AK6: variants seen among roughly 807,000 people sequenced by gnomAD.
The protein encoded by AK6 is adenylate kinase 6, also known as adenylate kinase isoenzyme 6.
Under a neutral mutation model 23.7 loss-of-function variants are expected in AK6, and 24 were observed. The observed-to-expected ratio is 1.01, with a 90% CI of 0.73 to 1.43. The LOEUF is 1.43. Among genes scored for constraint, AK6 ranks in the 40% most tolerant of loss-of-function variants. The pLI, the probability that AK6 is intolerant of heterozygous loss-of-function variation, is 0.00. For missense variants in AK6, 191 were observed against 199.1 expected (o/e 0.96, Z 0.24); for synonymous variants, 73 against 69.8 (o/e 1.05, Z -0.23).
chr5:69,364,645 G>A, intron 2 of AK6: 1 of 488,324 alleles, frequency 2.0e-6, no homozygotes, highest in African/African-American at 1.9e-5. Flanking sequence ...AAAATAGACT[G>A]CAGTACTGCA....
chr5:69,352,024 T>C lies in AK6; in HGVS notation c.*37A>G, dbSNP rs374188732. 298 of 1,523,252 alleles carry C rather than the reference T, an allele frequency of 2.0e-4. 2 individuals are homozygous for C. The highest frequency in any genetic ancestry group is 1.8e-4 in the Non-Finnish European group (202 of 1,128,476). 94.4% of individuals were successfully genotyped at this position (1,523,252 alleles called of 1,614,324 possible). On this transcript the variant is annotated 3_prime_UTR_variant, in exon 5 of 5. Coordinates refer to ENST00000380822, the MANE Select transcript of AK6 (RefSeq NM_016283.5). ...AATTTCTATGATGTCGGCAGAGATA[T>C]CAACAAGAGTGATTATTAAGTAGCT...
chr5:69,368,538 G>A (rs1762621035), intron 1 of AK6, among the ~76,000 whole-genome samples: 2 of 152,134 alleles, frequency 1.3e-5, no homozygotes, highest in South Asian at 2.1e-4. Context: ...TTCCGCTTAA[G>A]GAATCTAAAA....
In AK6 at chr5:69,354,369, T is replaced by C. The variant is rs544712414; in HGVS notation, c.326+1280A>G. On this transcript the variant is annotated intron_variant, in intron 4 of 4. Coordinates refer to ENST00000380822, the MANE Select transcript of AK6 (RefSeq NM_016283.5). ...CCCAATTTAACTTTTTCTATATGTA[T>C]ATTTGCTGCCATACTATTCTGTGCA... Among the ~76,000 whole-genome samples the C allele has an allele frequency of 1.1e-4, 17 of 152,342 alleles. No individual in the cohort carries two copies. In the South Asian group the frequency reaches 1.2e-3, roughly 11 times the overall value.
In AK6 at chr5:69,366,497, C is replaced by T. The variant is rs761031032; in HGVS notation, c.121+6G>A. The T allele has an allele frequency of 5.6e-6, 9 of 1,611,158 alleles. No homozygotes were observed. Among genetic ancestry groups the T allele is most frequent in the South Asian group, 5.5e-5 (5 of 90,902 alleles). ...AAAACAAATCTAACACCAAAGTGTCCCTTACCTTCTCGAGCTAAATCACCC... is the reference window on the plus strand; with the variant it reads ...AAAACAAATCTAACACCAAAGTGTCTCTTACCTTCTCGAGCTAAATCACCC... On this transcript the variant is annotated splice_donor_region_variant and intron_variant, in intron 2 of 4. Transcript: ENST00000380822.
At chr5:69,366,774 T>C (rs4252225) in intron 1 of AK6, 179 bp from the exon 2 acceptor site, 226 of 590,548 alleles carry the variant, frequency 3.8e-4, no homozygotes, top group African/African-American at 3.7e-3. Context: ...AATTTTTTTT[T>C]TGAGACAGAG....
chr5:69,367,395 AG>A (rs1762484135), intron 1 of AK6, among the ~76,000 whole-genome samples: 1 of 151,310 alleles, frequency 6.6e-6, no homozygotes, highest in Non-Finnish European at 1.5e-5. Context: ...CTGTAATCCC[AG>A]CTACTCAGGA....
At chr5:69,356,367 G>C (rs183945262) in intron 2 of AK6, among the ~76,000 whole-genome samples, 1 of 149,362 alleles carries the variant, frequency 6.7e-6, no homozygotes, top group African/African-American at 2.5e-5. Flanking sequence ...ATCAAAAGCA[G>C]TAACAGGCCA....
Position 69,355,656 on chromosome 5 carries a change from C to T in AK6, c.319G>A (p.Glu107Lys). ...TDTNVLYERLETRGYNEKKLT... is the reference protein window; with the variant it reads ...TDTNVLYERLKTRGYNEKKLT... ...ATGTTTTTCCTTTCTTACCTTGTTT[C>T]AAGTCTTTCGTACAATACATTGGTA... The change falls in exon 4 of 5, where the codon GAA (glutamate) becomes AAA (lysine). Residue 107 changes from glutamate to lysine, a missense_variant. Glu to Lys is a moderately conservative substitution (Grantham distance 56). Transcript: ENST00000380822. 1.3e-6 allele frequency: 2 copies of T among 1,595,024 alleles called. No homozygotes were observed. Among genetic ancestry groups the T allele is most frequent in the Non-Finnish European group, 1.7e-6 (2 of 1,174,096 alleles).
In AK6 at chr5:69,366,541, C is replaced by T. The variant is rs1431731970; in HGVS notation, c.83G>A (p.Gly28Glu). 8.7e-6 allele frequency: 14 copies of T among 1,613,916 alleles called. No individual in the cohort carries two copies. The highest frequency in any genetic ancestry group is 1.2e-5 in the Non-Finnish European group (14 of 1,180,022). Residue 28 changes from glycine to glutamate, a missense_variant, in exon 2 of 5, where the codon GGA becomes GAA. Coordinates refer to ENST00000380822, the MANE Select transcript of AK6 (RefSeq NM_016283.5). Reference sequence around the variant, plus strand: ...ATCACCCACATTAATGTATTTCAGTCCTGATTTTGACGCAAGTTCTTTGCC... The same window carrying T: ...ATCACCCACATTAATGTATTTCAGTTCTGATTTTGACGCAAGTTCTTTGCC... ...TLGKELASKS[G>E]LKYINVGDLA...
At chr5:69,353,942 TTA>T (rs911634335) in intron 4 of AK6, among the ~76,000 whole-genome samples, 46 of 36,720 alleles carry the variant, frequency 1.3e-3, no homozygotes, top group Non-Finnish European at 5.7e-3. Flanking sequence ...GCTAAATTTT[TTA>T]TTTTTTGTAG....
intron 1 of AK6, chr5:69,369,065 T>A (rs1164176894): frequency 3.7e-6 from 1 of 269,832 alleles, no homozygotes. Context: ...CCACCATTAA[T>A]GACTCTACCG....
At chr5:69,369,734 G>A (rs1762799807), upstream of AK6, 2 of 1,541,614 alleles carry the variant, frequency 1.3e-6, no homozygotes, top group South Asian at 1.2e-5. Context: ...GTCAGGCAGT[G>A]CGCTGGATGC....
At chr5:69,365,057 G>A (rs375540616) in intron 2 of AK6, 4 of 1,613,820 alleles carry the variant, frequency 2.5e-6, no homozygotes, top group Middle Eastern at 3.3e-4. Context: ...TCATATTAGT[G>A]GTAATAAGAA....
In AK6 at chr5:69,351,618, A is replaced by T. The variant is rs1761951293; in HGVS notation, c.*443T>A. The stretch of plus-strand genomic sequence containing the variant: ...GGTGCCTGGGGATAGGGTGGTCTGG[A>T]AGGGAGACCTAACTTTTCAACATGC... On this transcript the variant is annotated 3_prime_UTR_variant, in exon 5 of 5. Coordinates refer to ENST00000380822, the MANE Select transcript of AK6 (RefSeq NM_016283.5). 1 of 152,802 alleles carries T rather than the reference A, an allele frequency of 6.5e-6. No homozygotes were observed. The highest frequency in any genetic ancestry group is 6.5e-5 in the Admixed American group (1 of 15,286). The allele number at this position is 152,802 out of a possible 1,614,324, so 9.5% of individuals were successfully genotyped here.
rs753929674 is a variant in AK6 at position 69,365,755 on chromosome 5, C to A, written c.121+748G>T. 3.3e-6 allele frequency: 5 copies of A among 1,503,306 alleles called. No homozygotes were observed. The East Asian group carries it at 1.1e-4, about 34-fold the overall frequency. 93.1% of individuals were successfully genotyped at this position (1,503,306 alleles called of 1,614,324 possible). Reference sequence around the variant, plus strand: ...GACTCCATGATATCCGATGATCAGACTTTAGATCATTTGAAAAAAATATGT... The same window carrying A: ...GACTCCATGATATCCGATGATCAGAATTTAGATCATTTGAAAAAAATATGT... On this transcript the variant is annotated intron_variant, in intron 2 of 4. Transcript: ENST00000380822.
chr5:69,353,091 A>G (rs1353696171), intron 4 of AK6, among the ~76,000 whole-genome samples: 3 of 152,232 alleles, frequency 2.0e-5, no homozygotes, highest in Non-Finnish European at 2.9e-5. Flanking sequence ...CTGGTCTATG[A>G]TACAATATGA....
Position 69,351,904 on chromosome 5 carries a change from C to T in AK6, c.*157G>A. 2.2e-6 allele frequency: 1 copy of T among 455,160 alleles called. No homozygotes were observed. Among genetic ancestry groups the T allele is most frequent in the Non-Finnish European group, 3.7e-6 (1 of 268,658 alleles). 28.2% of individuals were successfully genotyped at this position (455,160 alleles called of 1,614,324 possible). On this transcript the variant is annotated 3_prime_UTR_variant, in exon 5 of 5. Coordinates refer to ENST00000380822, the MANE Select transcript of AK6 (RefSeq NM_016283.5). ...TTCATTATATTTCATGTTTAGCTTTCTCATGGAGAAAAAGAAACACAGGCA... is the reference window on the plus strand; with the variant it reads ...TTCATTATATTTCATGTTTAGCTTTTTCATGGAGAAAAAGAAACACAGGCA...
intron 2 of AK6, chr5:69,365,281 C>T (rs777946054): frequency 6.2e-7 from 1 of 1,614,200 alleles, no homozygotes; most frequent in Non-Finnish European, 8.5e-7. Flanking sequence ...CTGCTAGTAA[C>T]TGAACCAACA....
intron 2 of AK6, chr5:69,365,324 A>C (rs765995241): frequency 6.2e-7 from 1 of 1,614,232 alleles, no homozygotes; most frequent in Non-Finnish European, 8.5e-7. Context: ...TTCCCGCAGA[A>C]GTTGATGCCT....
Sources: gnomAD v4.1 joint callset for allele counts (sites outside exome capture counted in the v4.1 genomes callset) on GRCh38, gnomAD v4.1.1 for gene constraint, MANE v1.5 for transcripts, NCBI Gene and HGNC (gene_info 2026-07-23, HGNC 2026-07-21) for gene names.